Variants in TRIO observed in about 807,000 individuals in gnomAD.
TRIO encodes the protein trio Rho guanine nucleotide exchange factor.
Under a neutral mutation model 351.9 loss-of-function variants are expected in TRIO, and 58 were observed. The observed-to-expected ratio is 0.16, with a 90% CI of 0.13 to 0.21. TRIO has a LOEUF of 0.21. TRIO is among the 10% of genes least tolerant of loss of function. The pLI, the probability that TRIO is intolerant of heterozygous loss-of-function variation, is 1.00. For missense variants in TRIO, 3,201 were observed against 4,027.8 expected, an observed-to-expected ratio of 0.79 and a Z score of 5.56; for synonymous variants, 1,758 against 1,595.7, an observed-to-expected ratio of 1.10 and a Z score of -2.42.
At chr5:14,338,856 A>G (rs1741671605) in intron 11 of TRIO, among the ~76,000 whole-genome samples, 1 of 152,180 alleles carries the variant, frequency 6.6e-6, no homozygotes, top group African/African-American at 2.4e-5. Context: ...TTCCAGAGCC[A>G]GGTGGTTGGA....
At chr5:14,411,797 G>C (rs1301343895) in intron 33 of TRIO, among the ~76,000 whole-genome samples, 3 of 151,808 alleles carry the variant, frequency 2.0e-5, no homozygotes, top group African/African-American at 7.3e-5. Context: ...TGTAGAGACA[G>C]TATCGAACTG....
intron 15 of TRIO, among the ~76,000 whole-genome samples, chr5:14,365,852 C>G (rs1299718580): frequency 6.6e-6 from 1 of 152,126 alleles, no homozygotes; most frequent in Admixed American, 6.5e-5. Context: ...TGTTGTAGCT[C>G]CAGCCATCAC....
At position 14,481,587 on chromosome 5, in the gene TRIO, T is replaced by C. The variant is rs756004915; in HGVS notation, c.6434T>C (p.Met2145Thr). Reference sequence around the variant, plus strand: ...ATAGTACCCAGGCGGTGCAACGACATGATGAACGTGGGGCGGCTGCAAGGA... The same window carrying C: ...ATAGTACCCAGGCGGTGCAACGACACGATGAACGTGGGGCGGCTGCAAGGA... ...MCIVPRRCND[M>T]MNVGRLQGFD... Residue 2145 changes from methionine to threonine, a missense_variant, in exon 45 of 57, where the codon ATG becomes ACG. Met to Thr is a moderately conservative substitution (Grantham distance 81). This residue lies in a region of TRIO where 307 missense variants were observed against 396.5 expected (regional missense o/e 0.77). Transcript: ENST00000344204. 1 of 1,614,110 alleles carries C rather than the reference T, an allele frequency of 6.2e-7. No individual in the cohort carries two copies. Among genetic ancestry groups the C allele is most frequent in the Non-Finnish European group, 8.5e-7 (1 of 1,180,022 alleles).
chr5:14,481,468 G>C (rs1755509229), intron 44 of TRIO, 73 bp from the exon 45 acceptor site: 1 of 1,564,350 alleles, frequency 6.4e-7, no homozygotes, highest in African/African-American at 1.4e-5. Context: ...AACTTCATCA[G>C]GTCAGAGGGT....
chr5:14,348,986 T>C (rs1032754347), intron 11 of TRIO, among the ~76,000 whole-genome samples: 13 of 152,246 alleles, frequency 8.5e-5, no homozygotes, highest in East Asian at 1.9e-4. Flanking sequence ...TGTGTATATG[T>C]GTGCGCACGC....
chr5:14,498,680 G>A (rs1757069790), intron 53 of TRIO, 40 bp downstream of exon 53: 2 of 1,598,344 alleles, frequency 1.3e-6, no homozygotes, highest in African/African-American at 1.3e-5. Flanking sequence ...GACCCAGTGG[G>A]GCACGTCTTT....
intron 1 of TRIO, among the ~76,000 whole-genome samples, chr5:14,199,703 T>C (rs187386): frequency 0.86 from 131,253 of 152,164 alleles, 56,768 homozygotes; most frequent in East Asian, 0.99. Context: ...TATCCTAAAG[T>C]AGGGGATTTA....
At chr5:14,491,176 A>G (rs1030111565) in intron 48 of TRIO, among the ~76,000 whole-genome samples, 1 of 152,154 alleles carries the variant, frequency 6.6e-6, no homozygotes. Flanking sequence ...GACCTCATGG[A>G]GGAGGGCCAG....
At position 14,490,154 on chromosome 5, in the gene TRIO, C is replaced by T. The variant is rs559221452; in HGVS notation, c.7632+1894C>T. On this transcript the variant is annotated intron_variant, in intron 48 of 56. Transcript: ENST00000344204. ...TAAAATTAGGTGAGCTGGCACGCACCTATAGTCCCAGCTACTTGGGAGGCT... is the reference window on the plus strand; with the variant it reads ...TAAAATTAGGTGAGCTGGCACGCACTTATAGTCCCAGCTACTTGGGAGGCT... Among the ~76,000 whole-genome samples, 81 of 135,644 alleles carry T rather than the reference C, an allele frequency of 6.0e-4. 1 individual carries two copies. The South Asian group carries it at 0.018, about 30-fold the overall frequency. 89.0% of individuals were successfully genotyped at this position (135,644 alleles called of 152,430 possible).
chr5:14,330,966 T>C, intron 10 of TRIO, 66 bp downstream of exon 10: 1 of 1,598,898 alleles, frequency 6.3e-7, no homozygotes, highest in Non-Finnish European at 8.5e-7. Context: ...GATTACAGTT[T>C]TAACCACATT....
At chr5:14,334,045 T>G (rs1741164176) in intron 10 of TRIO, among the ~76,000 whole-genome samples, 1 of 152,248 alleles carries the variant, frequency 6.6e-6, no homozygotes, top group South Asian at 2.1e-4. Flanking sequence ...AGGTACTGGT[T>G]GTTTTAACAA....
chr5:14,178,534 T>C (rs1432147845), intron 1 of TRIO, among the ~76,000 whole-genome samples: 2 of 152,176 alleles, frequency 1.3e-5, no homozygotes, highest in African/African-American at 4.8e-5. Context: ...TAAACAGAGA[T>C]GGTGTTGAGA....
chr5:14,431,331 AG>A (rs1002789177), intron 34 of TRIO, among the ~76,000 whole-genome samples: 12 of 152,194 alleles, frequency 7.9e-5, no homozygotes, highest in African/African-American at 2.9e-4. Context: ...CAGACTATTC[AG>A]GGGGCATCAT....
intron 34 of TRIO, among the ~76,000 whole-genome samples, chr5:14,450,538 T>C (rs1561504882): frequency 1.3e-5 from 2 of 151,976 alleles, no homozygotes; most frequent in Admixed American, 6.5e-5. Context: ...CTTGGGATTA[T>C]TTAAGAAAAA....
intron 30 of TRIO, among the ~76,000 whole-genome samples, chr5:14,400,710 T>C (rs1748000655): frequency 6.6e-6 from 1 of 152,194 alleles, no homozygotes; most frequent in South Asian, 2.1e-4. Context: ...TTCCTTCCCC[T>C]GAATTTTTTG....
At chr5:14,223,511 C>T (rs577017782) in intron 1 of TRIO, among the ~76,000 whole-genome samples, 26 of 152,218 alleles carry the variant, frequency 1.7e-4, no homozygotes, top group African/African-American at 5.3e-4. Flanking sequence ...GGGAACAGGG[C>T]GGTGGAGCAA....
intron 31 of TRIO, among the ~76,000 whole-genome samples, chr5:14,405,489 C>T (rs570683576): frequency 1.6e-4 from 25 of 152,222 alleles, no homozygotes; most frequent in African/African-American, 5.8e-4. Context: ...CCCTACTGAC[C>T]AGTGCGCAGT....
At chr5:14,330,520 T>C (rs1208800075) in intron 9 of TRIO, among the ~76,000 whole-genome samples, 1 of 152,240 alleles carries the variant, frequency 6.6e-6, no homozygotes, top group Non-Finnish European at 1.5e-5. Context: ...TTGCATGCAA[T>C]GTTTATACAT....
At chr5:14,328,126 T>C (rs1217290554) in intron 9 of TRIO, among the ~76,000 whole-genome samples, 2 of 152,192 alleles carry the variant, frequency 1.3e-5, no homozygotes, top group African/African-American at 4.8e-5. Flanking sequence ...AACAATGCGC[T>C]CAATCCACCA....
Sources: allele counts gnomAD v4.1 joint callset (sites outside exome capture counted in the v4.1 genomes callset), GRCh38; gene constraint gnomAD v4.1.1; regional missense constraint gnomAD v4.1.1; transcripts MANE v1.5; gene names NCBI Gene and HGNC (gene_info 2026-07-23, HGNC 2026-07-21).